The following MTM1 variants were observed in gnomAD, a reference collection of about 807,000 sequenced individuals.
MTM1 encodes myotubularin.
Under a neutral mutation model 52.1 loss-of-function variants are expected in MTM1, and 9 were observed. That is an observed-to-expected ratio of 0.17 (90% CI 0.10 to 0.30). The LOEUF is 0.30. Ranked by LOEUF, MTM1 falls within the 10% of genes least tolerant of loss-of-function variation. The pLI, the probability that MTM1 is intolerant of heterozygous loss-of-function variation, is 1.00. For synonymous variants in MTM1, 136 were observed against 163.8 expected, an observed-to-expected ratio of 0.83 and a Z score of 1.29; for missense variants, 277 against 470.7, an observed-to-expected ratio of 0.59 and a Z score of 3.81.
chrX:150,615,497 AAAAC>A (rs1352206904), intron 5 of MTM1, among the ~76,000 whole-genome samples: 2 of 110,944 alleles, frequency 1.8e-5, no homozygotes, highest in Non-Finnish European at 3.8e-5. Context: ...AAAAAAAAAA[AAAAC>A]AGTCTTAATT....
At chrX:150,605,763 G>T (rs782695109) in intron 4 of MTM1, among the ~76,000 whole-genome samples, 1 of 111,766 alleles carries the variant, frequency 8.9e-6, no homozygotes, top group Admixed American at 9.5e-5. Flanking sequence ...TTTCAGATGG[G>T]TGCTGGGTGT....
At chrX:150,670,118 G>A (rs1435770903) in intron 14 of MTM1, among the ~76,000 whole-genome samples, 1 of 111,975 alleles carries the variant, frequency 8.9e-6, no homozygotes, top group East Asian at 2.8e-4. Context: ...TCTTGACCTG[G>A]GTGTGATTAC....
intron 12 of MTM1, 107 bp from the exon 13 acceptor site, chrX:150,660,264 A>G (rs1175394830): frequency 5.7e-6 from 3 of 524,217 alleles, no homozygotes; most frequent in Non-Finnish European, 1.0e-5. Context: ...TGTCCTTCCT[A>G]GAGCCCTACA....
At chrX:150,640,025 G>A (rs782336943) in intron 7 of MTM1, among the ~76,000 whole-genome samples, 32 of 111,316 alleles carry the variant, frequency 2.9e-4, no homozygotes, top group Non-Finnish European at 5.3e-4. Context: ...ATGTGACATA[G>A]TATATCCTGT....
At chrX:150,591,846 G>A (rs190105086) in intron 1 of MTM1, among the ~76,000 whole-genome samples, 5 of 112,563 alleles carry the variant, frequency 4.4e-5, no homozygotes, top group Admixed American at 1.9e-4. Flanking sequence ...AATTGGATGT[G>A]GTTTACCTCC....
chrX:150,656,126 A>AT (rs781857039), intron 10 of MTM1, among the ~76,000 whole-genome samples: 7 of 108,230 alleles, frequency 6.5e-5, no homozygotes, highest in South Asian at 3.9e-4. Flanking sequence ...TGGGTCAGTG[A>AT]TTTTTTTTTT....
chrX:150,630,515 A>C (rs1053174698), intron 6 of MTM1, among the ~76,000 whole-genome samples: 1 of 111,997 alleles, frequency 8.9e-6, no homozygotes, highest in East Asian at 2.8e-4. Context: ...GTATGAGTAA[A>C]ATTGAATATC....
chrX:150,585,614 G>A (rs186805276), intron 1 of MTM1, among the ~76,000 whole-genome samples: 41 of 112,160 alleles, frequency 3.7e-4, no homozygotes, highest in Admixed American at 3.1e-3. Flanking sequence ...TTTTCATTGA[G>A]CAGATCAGCT....
At chrX:150,670,818 AC>A (rs2040384021) in intron 14 of MTM1, among the ~76,000 whole-genome samples, 1 of 111,651 alleles carries the variant, frequency 9.0e-6, no homozygotes, top group African/African-American at 3.3e-5. Flanking sequence ...AGCATTGAAC[AC>A]ACTACCGAGG....
rs1308722708 is a variant in MTM1 at position 150,671,739 on chromosome X, T to C, written c.*144T>C. The C allele has an allele frequency of 1.6e-6, 1 of 627,316 alleles. No individual in the cohort carries two copies. The highest frequency in any genetic ancestry group is 2.4e-6 in the Non-Finnish European group (1 of 409,687). 51.7% of individuals were successfully genotyped at this position (627,316 alleles called of 1,213,427 possible). ...ATCTTAAACTCTTGAATATGTGCCT[T>C]CTAGAATACATATTACAAGAAAACT... On this transcript the variant is annotated 3_prime_UTR_variant, in exon 15 of 15. Coordinates refer to ENST00000370396, the MANE Select transcript of MTM1 (RefSeq NM_000252.3).
Position 150,583,897 on chromosome X carries a change from G to GAT in MTM1, c.-10-8694_-10-8693dup, listed in dbSNP as rs551009399. Among the ~76,000 whole-genome samples the GAT allele has an allele frequency of 2.6e-3, 98 of 37,360 alleles. 6 individuals are homozygous for GAT. Among genetic ancestry groups the GAT allele is most frequent in the Middle Eastern group, 0.029 (1 of 34 alleles). The allele number at this position is 37,360 out of a possible 115,157, so 32.4% of individuals were successfully genotyped here. On this transcript the variant is annotated intron_variant, in intron 1 of 14. Transcript: ENST00000370396. ...ATATATTAAATATATATATATATTTGATATATATATATATAATATAAAATA... is the reference window on the plus strand; with the variant it reads ...ATATATTAAATATATATATATATTTGATATATATATATATATAATATAAAATA...
intron 2 of MTM1, among the ~76,000 whole-genome samples, chrX:150,594,962 C>T (rs1230126141): frequency 4.5e-5 from 5 of 111,014 alleles, no homozygotes; most frequent in Admixed American, 9.6e-5. Context: ...AACAGTTTGT[C>T]TTGCCCAGCT....
At chrX:150,615,472 C>A (rs1182435594) in intron 5 of MTM1, among the ~76,000 whole-genome samples, 6 of 80,530 alleles carry the variant, frequency 7.5e-5, no homozygotes, top group Admixed American at 3.0e-4. Context: ...TTTTTTCAAC[C>A]CTTTTGAAGT....
At chrX:150,586,759 C>A (rs981908044) in intron 1 of MTM1, among the ~76,000 whole-genome samples, 3 of 109,696 alleles carry the variant, frequency 2.7e-5, no homozygotes, top group African/African-American at 1.0e-4. Flanking sequence ...ACTAAAAATA[C>A]AAAAATTATC....
intron 3 of MTM1, 87 bp from the exon 4 acceptor site, chrX:150,598,505 T>G: frequency 3.5e-6 from 2 of 564,119 alleles, no homozygotes; most frequent in Non-Finnish European, 6.0e-6. Context: ...TATTCTTAGC[T>G]GAATAGTTTA....
At chrX:150,656,034 A>G (rs782446868) in intron 10 of MTM1, among the ~76,000 whole-genome samples, 8 of 111,760 alleles carry the variant, frequency 7.2e-5, no homozygotes, top group African/African-American at 1.3e-4. Context: ...TATGAGCCAG[A>G]TAAGAGTTGA....
rs148695538 is a variant in MTM1, at chrX:150,591,366, C to T, written c.-10-1239C>T. The stretch of plus-strand genomic sequence containing the variant: ...CCAGATAGTTGTGAGTTCCAGTGTG[C>T]GCCAGGATACAGCCACGAACCAGAC... On this transcript the variant is annotated intron_variant, in intron 1 of 14. Transcript: ENST00000370396. 3.6e-3 allele frequency among the ~76,000 whole-genome samples: 407 copies of T among 111,951 alleles called. 3 individuals are homozygous for T. Among genetic ancestry groups the T allele is most frequent in the African/African-American group, 0.012 (366 of 30,787 alleles).
chrX:150,584,306 CTA>C (rs1321643571), intron 1 of MTM1, among the ~76,000 whole-genome samples: 1 of 109,509 alleles, frequency 9.1e-6, no homozygotes, highest in African/African-American at 3.3e-5. Context: ...TCTCTCAACA[CTA>C]TGTGAGAAAA....
At chrX:150,567,363 G>A (rs2038275687), upstream of MTM1, among the ~76,000 whole-genome samples, 1 of 111,359 alleles carries the variant, frequency 9.0e-6, no homozygotes, top group East Asian at 2.8e-4. Context: ...GTGTGACTAT[G>A]TAGAAACACA....
Sources: gnomAD v4.1 joint callset for allele counts (sites outside exome capture counted in the v4.1 genomes callset) on GRCh38, gnomAD v4.1.1 for gene constraint, MANE v1.5 for transcripts, NCBI Gene and HGNC (gene_info 2026-07-23, HGNC 2026-07-21) for gene names.